The following TDRD1 variants were observed in gnomAD, a reference collection of about 807,000 sequenced individuals.
TDRD1 encodes the protein tudor domain-containing protein 1.
A neutral mutation model predicts 140.6 loss-of-function variants in TDRD1; 37 were observed. The ratio of observed to expected loss-of-function variants is 0.26; its 90% CI spans 0.20 to 0.35. The LOEUF is 0.35. Ranked by LOEUF, TDRD1 falls within the 10% of genes least tolerant of loss-of-function variation. The probability of loss-of-function intolerance (pLI) is 1.00; values close to 1 mark genes in which losing one functional copy is unlikely to be tolerated. For missense variants in TDRD1, 1,243 were observed against 1,393.0 expected (o/e 0.89, Z 1.71); for synonymous variants, 506 against 475.7 (o/e 1.06, Z -0.83).
chr10:114,225,948 A>G, intron 21 of TDRD1, 101 bp from the exon 22 acceptor site: 2 of 992,944 alleles, frequency 2.0e-6, no homozygotes, highest in East Asian at 2.4e-5. Flanking sequence ...AAATTTTGGC[A>G]TGGATTTTTA....
intron 3 of TDRD1, among the ~76,000 whole-genome samples, chr10:114,192,102 A>G (rs552469975): frequency 2.7e-5 from 4 of 149,976 alleles, no homozygotes; most frequent in South Asian, 4.2e-4. Flanking sequence ...TATTTCAGAT[A>G]TTGGTCCTTT....
intron 1 of TDRD1, among the ~76,000 whole-genome samples, chr10:114,186,061 G>A (rs2033496856): frequency 6.6e-6 from 1 of 151,920 alleles, no homozygotes; most frequent in Non-Finnish European, 1.5e-5. Context: ...GATTACTTGG[G>A]CTTGATTCTG....
Position 114,220,551 on chromosome 10 carries a change from C to CT in TDRD1, c.2495-16dup. 1 of 1,596,094 alleles carries CT rather than the reference C, an allele frequency of 6.3e-7. No homozygotes were observed. Among genetic ancestry groups the CT allele is most frequent in the Non-Finnish European group, 8.6e-7 (1 of 1,165,544 alleles). On this transcript the variant is annotated splice_polypyrimidine_tract_variant and intron_variant, in intron 18 of 25. Transcript: ENST00000251864. The stretch of plus-strand genomic sequence containing the variant: ...CTTGTTCATAGGATTCTTTTTACTG[C>CT]TGTCCTTATTTTCTAGATATACAGT...
At chr10:114,208,221 G>T (rs1324310754) in intron 11 of TDRD1, among the ~76,000 whole-genome samples, 1 of 152,146 alleles carries the variant, frequency 6.6e-6, no homozygotes, top group Non-Finnish European at 1.5e-5. Context: ...ATTAAAGGTC[G>T]CAGGAGCTGT....
At chr10:114,221,579 C>T (rs1369172943) in intron 20 of TDRD1, 103 bp downstream of exon 20, 3 of 1,162,838 alleles carry the variant, frequency 2.6e-6, no homozygotes, top group Non-Finnish European at 3.7e-6. Context: ...GAAAGAGGCT[C>T]ACTGTTTTAA....
intron 3 of TDRD1, among the ~76,000 whole-genome samples, chr10:114,195,980 T>G (rs1015369360): frequency 3.9e-5 from 6 of 152,258 alleles, no homozygotes; most frequent in African/African-American, 1.4e-4. Context: ...AATCTGAGTA[T>G]AGTGCAGACA....
At chr10:114,204,921 C>T (rs2132995765) in intron 10 of TDRD1, 28 bp downstream of exon 10, 3 of 1,545,190 alleles carry the variant, frequency 1.9e-6, no homozygotes, top group East Asian at 2.4e-5. Context: ...AAATTGAGTA[C>T]TTAATAGGAT....
chr10:114,199,464 C>T, intron 4 of TDRD1, 147 bp downstream of exon 4: 1 of 993,666 alleles, frequency 1.0e-6, no homozygotes, highest in Non-Finnish European at 1.4e-6. Flanking sequence ...TGTCAGCATC[C>T]TGCTGTTCCT....
In TDRD1 at chr10:114,213,927, G is replaced by C. The variant is rs11594341; in HGVS notation, c.2075-50G>C. 9.0e-3 allele frequency: 14,342 copies of C among 1,599,462 alleles called. 88 individuals carry two copies. The highest frequency in any genetic ancestry group is 0.012 in the Middle Eastern group (70 of 5,994). On this transcript the variant is annotated intron_variant, in intron 15 of 25. Coordinates refer to ENST00000251864, the Ensembl canonical transcript of TDRD1. Reference sequence around the variant, plus strand: ...CGGGTTCCTCAGCCACCCCAACCTCGCTACATCCCTCCTCCACTATGTCCA... The same window carrying C: ...CGGGTTCCTCAGCCACCCCAACCTCCCTACATCCCTCCTCCACTATGTCCA...
intron 10 of TDRD1, among the ~76,000 whole-genome samples, chr10:114,205,263 T>A (rs1469440541): frequency 2.0e-5 from 3 of 152,244 alleles, no homozygotes; most frequent in Non-Finnish European, 4.4e-5. Context: ...GGCTAGTACA[T>A]AGTAGCTAAG....
chr10:114,186,822 C>T (rs2033571786), intron 1 of TDRD1, among the ~76,000 whole-genome samples: 1 of 152,160 alleles, frequency 6.6e-6, no homozygotes, highest in Non-Finnish European at 1.5e-5. Flanking sequence ...TCTGTATTCT[C>T]ATTGGATTAG....
rs771054701 is a variant in TDRD1 at position 114,202,269 on chromosome 10, G to A, written c.667G>A (p.Glu223Lys). ...CAAACTTGAAAATAAATCATCTATT[G>A]AAACAAAGGATGTGGAGGTAAACAA... The change falls in exon 6 of 26, where the codon GAA becomes AAA. Residue 223 changes from glutamate (E) to lysine (K), a missense_variant. Around this residue, in one of 5 missense-constraint regions of TDRD1, gnomAD observed 392 missense variants for 394.1 expected, o/e 0.99. Coordinates refer to ENST00000251864, the Ensembl canonical transcript of TDRD1. The A allele has an allele frequency of 4.4e-6, 7 of 1,602,378 alleles. No homozygotes were observed. In the East Asian group the frequency reaches 1.1e-4, roughly 26 times the overall value.
chr10:114,190,580 C>T (rs2120239542), intron 2 of TDRD1, among the ~76,000 whole-genome samples: 1 of 152,278 alleles, frequency 6.6e-6, no homozygotes, highest in Non-Finnish European at 1.5e-5. Context: ...CTCCGCCTCC[C>T]AGGTTCAAGT....
At chr10:114,229,771 G>T (rs1303002996) in intron 25 of TDRD1, among the ~76,000 whole-genome samples, 2 of 149,434 alleles carry the variant, frequency 1.3e-5, no homozygotes, top group African/African-American at 4.9e-5. Flanking sequence ...CAATGACATG[G>T]ATTTCTGGAA....
rs146228512 is a variant in TDRD1 at position 114,187,845 on chromosome 10, C to T, written c.14C>T (p.Ser5Leu). ...CCTTAGGCCTCGATGAGTGTTAAAT[C>T]GCCATTTAATGTGATGTCAAGAAAT... Residue 5 changes from serine to leucine, a missense_variant, in exon 2 of 26, where the codon TCG becomes TTG. Ser to Leu is a moderately radical substitution (Grantham distance 145). Around this residue, in one of 5 missense-constraint regions of TDRD1, gnomAD observed 237 missense variants for 215.5 expected, o/e 1.10. Coordinates refer to ENST00000251864, the Ensembl canonical transcript of TDRD1. 200 of 1,587,824 alleles carry T rather than the reference C, an allele frequency of 1.3e-4. No homozygotes were observed. In the African/African-American group the frequency reaches 1.6e-3, roughly 13 times the overall value.
In TDRD1 at chr10:114,193,192, A is replaced by G. The variant is rs2034104483; in HGVS notation, c.384+2173A>G. 2.0e-5 allele frequency among the ~76,000 whole-genome samples: 3 copies of G among 152,110 alleles called. No individual in the cohort carries two copies. In the South Asian group the frequency reaches 6.2e-4, roughly 32 times the overall value. On this transcript the variant is annotated intron_variant, in intron 3 of 25. Coordinates refer to ENST00000251864, the Ensembl canonical transcript of TDRD1. ...GTATTTGATTTTTTTGAGTAATTGT[A>G]AATACTGTTGTATTTCTTTCCCCAT... is the stretch of plus-strand genomic sequence containing the variant.
At chr10:114,223,016 AT>A (rs2036233496) in intron 21 of TDRD1, among the ~76,000 whole-genome samples, 1 of 152,234 alleles carries the variant, frequency 6.6e-6, no homozygotes, top group African/African-American at 2.4e-5. Flanking sequence ...GTTGCAAAGA[AT>A]TCATAGGGTT....
chr10:114,202,941 C>G (rs1564946704), intron 6 of TDRD1, 131 bp from the exon 7 acceptor site: 1 of 682,412 alleles, frequency 1.5e-6, no homozygotes, highest in Non-Finnish European at 2.6e-6. Flanking sequence ...GAGGCCTTCC[C>G]TATTTCTGTG....
At position 114,217,667 on chromosome 10, in the gene TDRD1, T is replaced by C. The variant is rs369395348; in HGVS notation, c.2323+12T>C. The C allele has an allele frequency of 1.1e-5, 16 of 1,413,298 alleles. No homozygotes were observed. Among genetic ancestry groups the C allele is most frequent in the Non-Finnish European group, 1.5e-5 (15 of 1,004,104 alleles). 87.5% of individuals were successfully genotyped at this position (1,413,298 alleles called of 1,614,324 possible). A position where few individuals can be genotyped will look rare whatever the true frequency, so the allele number is the denominator to read the frequency against. Reference sequence around the variant, plus strand: ...TGCTTTTTTTGCAGGTAAGTTGCAATTGATGCAATCTTGACTTTTAGAACC... The same window carrying C: ...TGCTTTTTTTGCAGGTAAGTTGCAACTGATGCAATCTTGACTTTTAGAACC... On this transcript the variant is annotated intron_variant, in intron 17 of 25. Transcript: ENST00000251864.
Sources: allele counts gnomAD v4.1 joint callset (sites outside exome capture counted in the v4.1 genomes callset), GRCh38; gene constraint gnomAD v4.1.1; regional missense constraint gnomAD v4.1.1; transcripts MANE v1.5; gene names NCBI Gene and HGNC (gene_info 2026-07-23, HGNC 2026-07-21).